Variants in SYN3 observed in about 807,000 individuals in gnomAD.
SYN3 encodes synapsin III.
A neutral mutation model predicts 65.8 loss-of-function variants in SYN3; 35 were observed. The observed-to-expected ratio is 0.53, with a 90% CI of 0.41 to 0.70. The LOEUF (loss-of-function observed/expected upper bound fraction) is 0.70. Among genes scored for constraint, SYN3 ranks in the 30% least tolerant of loss-of-function variants. The probability of loss-of-function intolerance (pLI) is 0.00; values close to 1 mark genes in which losing one functional copy is unlikely to be tolerated. For missense variants in SYN3, 680 were observed against 749.0 expected, an observed-to-expected ratio of 0.91 and a Z score of 1.08; for synonymous variants, 270 against 292.9, an observed-to-expected ratio of 0.92 and a Z score of 0.80.
intron 7 of SYN3, chr22:32,583,866 TG>T (rs1442708521): frequency 3.3e-5 from 5 of 152,238 alleles, no homozygotes; most frequent in African/African-American, 1.2e-4. Flanking sequence ...ATATCCCCAT[TG>T]TTCCTATAGC....
At chr22:32,597,765 G>A (rs1167059593) in intron 6 of SYN3, among the ~76,000 whole-genome samples, 1 of 152,026 alleles carries the variant, frequency 6.6e-6, no homozygotes, top group Non-Finnish European at 1.5e-5. Flanking sequence ...CCTAGAACAC[G>A]GCCTGATCCA....
intron 6 of SYN3, among the ~76,000 whole-genome samples, chr22:32,688,458 T>G (rs1449154881): frequency 1.3e-5 from 2 of 152,102 alleles, no homozygotes; most frequent in Non-Finnish European, 2.9e-5. Context: ...GAGAAATATT[T>G]TTCCCTTTGT....
At chr22:32,748,784 C>G (rs1457078125) in intron 6 of SYN3, among the ~76,000 whole-genome samples, 3 of 152,174 alleles carry the variant, frequency 2.0e-5, no homozygotes, top group Non-Finnish European at 2.9e-5. Context: ...TACGATGGAA[C>G]ATTAGAAGCC....
At chr22:32,526,036 G>A (rs922810972) in intron 12 of SYN3, among the ~76,000 whole-genome samples, 3 of 152,134 alleles carry the variant, frequency 2.0e-5, no homozygotes, top group Admixed American at 1.3e-4. Context: ...CAGCAGAAAG[G>A]TTACTATTCA....
chr22:32,966,678 G>A (rs1281088479), intron 3 of SYN3, among the ~76,000 whole-genome samples: 2 of 152,190 alleles, frequency 1.3e-5, no homozygotes, highest in Non-Finnish European at 2.9e-5. Context: ...ACTTTGGGAG[G>A]CCAAGCTGTG....
intron 6 of SYN3, among the ~76,000 whole-genome samples, chr22:32,849,181 C>A (rs186444625): frequency 7.9e-5 from 12 of 152,206 alleles, no homozygotes; most frequent in African/African-American, 2.6e-4. Flanking sequence ...TCAGGGTCGG[C>A]GGGGGTTGAC....
intron 6 of SYN3, among the ~76,000 whole-genome samples, chr22:32,823,752 G>T (rs2047321709): frequency 6.6e-6 from 1 of 152,038 alleles, no homozygotes; most frequent in South Asian, 2.1e-4. Flanking sequence ...GACTTGGAGT[G>T]AAAAGACGTG....
intron 3 of SYN3, among the ~76,000 whole-genome samples, chr22:32,949,352 G>C (rs1269807982): frequency 6.6e-6 from 1 of 151,950 alleles, no homozygotes; most frequent in African/African-American, 2.4e-5. Context: ...TGAGTTCAAG[G>C]CTGCAGTGAG....
rs746983922 is a variant in SYN3 at position 32,527,963 on chromosome 22, G to A, written c.1273C>T (p.Leu425=). The change falls in exon 12 of 14, where the codon CTG becomes TTG. Residue 425 remains leucine (L), a synonymous_variant. Transcript: ENST00000358763. ...TGGGGCTGGCCTAGCTGAGGCCCCA[G>A]CTGGGCTTGCCCTGGGGATTTCGCT... The part of the protein sequence containing the change: ...KSAKSPGQAQ[L]GPQLGQPQPR... 1.3e-6 allele frequency: 2 copies of A among 1,592,426 alleles called. No homozygotes were observed. The highest frequency in any genetic ancestry group is 1.7e-6 in the Non-Finnish European group (2 of 1,168,334).
intron 4 of SYN3, among the ~76,000 whole-genome samples, chr22:32,883,782 G>C (rs538927100): frequency 6.6e-6 from 1 of 152,362 alleles, no homozygotes; most frequent in African/African-American, 2.4e-5. Context: ...GGAAGGAAAG[G>C]GTTTGAGATT....
intron 6 of SYN3, among the ~76,000 whole-genome samples, chr22:32,649,584 C>T (rs973083560): frequency 1.3e-5 from 2 of 152,190 alleles, no homozygotes; most frequent in Non-Finnish European, 2.9e-5. Context: ...TCTTACTACA[C>T]CACGGAAGAA....
intron 7 of SYN3, among the ~76,000 whole-genome samples, chr22:32,558,309 A>G (rs761725720): frequency 2.6e-5 from 4 of 152,226 alleles, no homozygotes; most frequent in Non-Finnish European, 5.9e-5. Context: ...GTGAAGGATT[A>G]AAGACATGAA....
chr22:32,699,874 C>G (rs1466926942), intron 6 of SYN3, among the ~76,000 whole-genome samples: 2 of 152,136 alleles, frequency 1.3e-5, no homozygotes, highest in Middle Eastern at 3.2e-3. Context: ...AGGTCTATGA[C>G]TCATACCGCC....
At chr22:32,578,645 T>C (rs2058890747) in intron 7 of SYN3, among the ~76,000 whole-genome samples, 1 of 152,216 alleles carries the variant, frequency 6.6e-6, no homozygotes, top group African/African-American at 2.4e-5. Flanking sequence ...ACACTAGAAC[T>C]GAAGATATCA....
intron 6 of SYN3, among the ~76,000 whole-genome samples, chr22:32,711,928 T>C (rs2060971820): frequency 6.6e-6 from 1 of 152,250 alleles, no homozygotes. Context: ...AGGTGTCTGA[T>C]GCCCTCTTTT....
At chr22:32,662,612 G>A (rs1054892300) in intron 6 of SYN3, among the ~76,000 whole-genome samples, 1 of 152,154 alleles carries the variant, frequency 6.6e-6, no homozygotes, top group Non-Finnish European at 1.5e-5. Flanking sequence ...TCTGTAAAAT[G>A]GGGGTAATAA....
rs1217075631 is a variant in SYN3, at chr22:32,632,634, G to T, written c.712-35898C>A. 3.3e-5 allele frequency among the ~76,000 whole-genome samples: 5 copies of T among 152,124 alleles called. No homozygotes were observed. The East Asian group carries it at 9.6e-4, about 29-fold the overall frequency. On this transcript the variant is annotated intron_variant, in intron 6 of 13. Transcript: ENST00000358763. ...TCTGCAGCTTGGTGCTTAAAGGTTT[G>T]GGGCAGGAAGCTAGGGGCAGAGCAA...
chr22:32,531,882 G>T (rs2058076952), intron 10 of SYN3, among the ~76,000 whole-genome samples: 1 of 124,638 alleles, frequency 8.0e-6, no homozygotes, highest in South Asian at 2.6e-4. Context: ...CTTATTTTTT[G>T]AAGTCCGAGC....
chr22:32,839,107 C>A (rs1264473281), intron 6 of SYN3, among the ~76,000 whole-genome samples: 1 of 151,730 alleles, frequency 6.6e-6, no homozygotes, highest in Non-Finnish European at 1.5e-5. Flanking sequence ...CTCACCTAGG[C>A]AAGGGGCATC....
Sources: gnomAD v4.1 joint callset for allele counts (sites outside exome capture counted in the v4.1 genomes callset) on GRCh38, gnomAD v4.1.1 for gene constraint, MANE v1.5 for transcripts, NCBI Gene and HGNC (gene_info 2026-07-23, HGNC 2026-07-21) for gene names.